UMAD1: variants seen among roughly 807,000 people sequenced by gnomAD.
UMAD1 encodes UBAP1-MVB12-associated (UMA) domain containing 1.
A neutral mutation model predicts 6.1 loss-of-function variants in UMAD1; 8 were observed. That is an observed-to-expected ratio of 1.30 (90% CI 0.76 to 2.35). The LOEUF (loss-of-function observed/expected upper bound fraction) is 2.35. Among genes scored for constraint, UMAD1 ranks in the 30% most tolerant of loss-of-function variants. UMAD1 has a pLI of 0.00. For synonymous variants in UMAD1, 56 were observed against 31.4 expected (o/e 1.78, Z -2.61); for missense variants, 130 against 78.4 (o/e 1.66, Z -2.49).
chr7:7,732,856 G>A (rs751595349), intron 2 of UMAD1, among the ~76,000 whole-genome samples: 4 of 152,162 alleles, frequency 2.6e-5, no homozygotes, highest in Non-Finnish European at 5.9e-5. Flanking sequence ...CTTATAAAGG[G>A]TGGCAGTGTT....
At chr7:7,809,072 A>G (rs530122298) in intron 3 of UMAD1, among the ~76,000 whole-genome samples, 4 of 152,024 alleles carry the variant, frequency 2.6e-5, no homozygotes, top group African/African-American at 9.6e-5. Context: ...AAACAATCTT[A>G]TGGCCAATTT....
intron 2 of UMAD1, among the ~76,000 whole-genome samples, chr7:7,774,392 A>G (rs559028856): frequency 6.6e-6 from 1 of 152,338 alleles, no homozygotes; most frequent in South Asian, 2.1e-4. Flanking sequence ...AAAAATCTGG[A>G]TTAAAGTTCC....
chr7:7,649,763 A>G (rs1265986003), intron 1 of UMAD1, among the ~76,000 whole-genome samples: 1 of 152,016 alleles, frequency 6.6e-6, no homozygotes, highest in African/African-American at 2.4e-5. Flanking sequence ...CCCAATTCAT[A>G]TGCTGAAATC....
chr7:7,822,225 A>T (rs73055845), intron 3 of UMAD1, among the ~76,000 whole-genome samples: 9,641 of 152,178 alleles, frequency 0.063, 377 homozygotes, highest in Non-Finnish European at 0.095. Context: ...CGCACTGAGA[A>T]TAGTACAGTG....
intron 2 of UMAD1, among the ~76,000 whole-genome samples, chr7:7,757,726 T>C (rs1009336571): frequency 1.3e-5 from 2 of 152,188 alleles, no homozygotes; most frequent in Admixed American, 1.3e-4. Flanking sequence ...GAAATGAACA[T>C]GGTAGCAATT....
chr7:7,652,253 G>A (rs986116636), intron 1 of UMAD1, among the ~76,000 whole-genome samples: 2 of 152,126 alleles, frequency 1.3e-5, no homozygotes, highest in African/African-American at 2.4e-5. Context: ...TAGGATTTCC[G>A]AGTAAAGCAG....
chr7:7,826,485 C>G (rs965706045), intron 3 of UMAD1, among the ~76,000 whole-genome samples: 1 of 152,142 alleles, frequency 6.6e-6, no homozygotes, highest in African/African-American at 2.4e-5. Flanking sequence ...TAAACTGGTC[C>G]TGTGCGTTAG....
chr7:7,655,785 TG>T (rs1785326428), intron 1 of UMAD1, among the ~76,000 whole-genome samples: 1 of 152,034 alleles, frequency 6.6e-6, no homozygotes, highest in Admixed American at 6.6e-5. Context: ...AAAATATTTT[TG>T]TAGGTATATA....
chr7:7,721,338 C>A lies in UMAD1; in HGVS notation c.82+47885C>A, dbSNP rs565395672. On this transcript the variant is annotated intron_variant, in intron 2 of 3. Transcript: ENST00000682710. ...GACAAGTTTCTTTTCTCACATATTC[C>A]ATATGTGTGCAGAGGTTCATGAGCT... Among the ~76,000 whole-genome samples the A allele has an allele frequency of 1.1e-4, 16 of 152,106 alleles. 1 individual carries two copies. Among genetic ancestry groups the A allele is most frequent in the Admixed American group, 1.0e-3 (16 of 15,260 alleles).
intron 2 of UMAD1, among the ~76,000 whole-genome samples, chr7:7,774,342 A>G (rs554631529): frequency 1.3e-5 from 2 of 152,374 alleles, no homozygotes; most frequent in East Asian, 1.9e-4. Flanking sequence ...GGATGCAGCA[A>G]TAGAATTATG....
intron 3 of UMAD1, among the ~76,000 whole-genome samples, chr7:7,834,016 C>CTTTTTTTTTTTTT (rs4034895): frequency 8.1e-5 from 9 of 110,448 alleles, no homozygotes; most frequent in African/African-American, 1.0e-4. Flanking sequence ...TTTTTCTTTT[C>CTTTTTTTTTTTTT]TTTTTTTTTT....
chr7:7,697,417 C>T (rs6947203), intron 2 of UMAD1, among the ~76,000 whole-genome samples: 48,136 of 151,910 alleles, frequency 0.32, 7,805 homozygotes, highest in South Asian at 0.37. Context: ...ATTTCATTTC[C>T]TGTAAGTTAT....
chr7:7,666,119 C>T lies in UMAD1; in HGVS notation c.-63-7190C>T, dbSNP rs149770899. On this transcript the variant is annotated intron_variant, in intron 1 of 3. Transcript: ENST00000682710. ...TGGCTGTACCATATTACCCTTCTAC[C>T]ACAAGTGTACAAGAGTTCCAGTTGC... Among the ~76,000 whole-genome samples the T allele has an allele frequency of 4.3e-3, 659 of 152,238 alleles. 1 individual carries two copies. Among genetic ancestry groups the T allele is most frequent in the Middle Eastern group, 0.01 (3 of 294 alleles).
At chr7:7,720,207 C>G in intron 2 of UMAD1, among the ~76,000 whole-genome samples, 1 of 151,948 alleles carries the variant, frequency 6.6e-6, no homozygotes, top group East Asian at 1.9e-4. Flanking sequence ...ATATAGCTTG[C>G]AATAAAGGAC....
chr7:7,845,156 A>G (rs963638150), intron 3 of UMAD1, among the ~76,000 whole-genome samples: 2 of 152,086 alleles, frequency 1.3e-5, no homozygotes, highest in African/African-American at 4.8e-5. Context: ...AGTGTCATAA[A>G]ATGAATTTAA....
At chr7:7,645,240 C>G (rs990481186) in intron 1 of UMAD1, among the ~76,000 whole-genome samples, 35 of 152,056 alleles carry the variant, frequency 2.3e-4, no homozygotes, top group African/African-American at 8.5e-4. Context: ...TAGGATAGAG[C>G]CTTCAGTACC....
At chr7:7,771,439 A>G (rs989399304) in intron 2 of UMAD1, among the ~76,000 whole-genome samples, 2 of 152,194 alleles carry the variant, frequency 1.3e-5, no homozygotes, top group Admixed American at 1.3e-4. Context: ...TGTTATTTTC[A>G]GTATAAACCT....
At chr7:7,802,623 A>G (rs1782825751) in intron 3 of UMAD1, among the ~76,000 whole-genome samples, 1 of 152,238 alleles carries the variant, frequency 6.6e-6, no homozygotes, top group African/African-American at 2.4e-5. Flanking sequence ...AATGTTAAGT[A>G]CTAGGGTGGA....
chr7:7,744,279 C>T (rs1376582933), intron 2 of UMAD1, among the ~76,000 whole-genome samples: 1 of 152,100 alleles, frequency 6.6e-6, no homozygotes, highest in Non-Finnish European at 1.5e-5. Context: ...TGAATAATAT[C>T]CCATTGTACG....
Sources: gnomAD v4.1 joint callset for allele counts (sites outside exome capture counted in the v4.1 genomes callset) on GRCh38, gnomAD v4.1.1 for gene constraint, MANE v1.5 for transcripts, NCBI Gene and HGNC (gene_info 2026-07-23, HGNC 2026-07-21) for gene names.